The following NOLC1 variants were observed in gnomAD, a reference collection of about 807,000 sequenced individuals.
NOLC1 encodes the protein 140 kDa nucleolar phosphoprotein.
In NOLC1, 37 loss-of-function variants were observed where a neutral mutation model predicts 73.4. The ratio of observed to expected loss-of-function variants is 0.50; its 90% CI spans 0.39 to 0.66. The LOEUF (loss-of-function observed/expected upper bound fraction) is 0.66. Ranked by LOEUF, NOLC1 falls within the 30% of genes least tolerant of loss-of-function variation. NOLC1 has a pLI of 0.00. For missense variants in NOLC1, 921 were observed against 838.9 expected (o/e 1.10, Z -1.21); for synonymous variants, 327 against 302.6 (o/e 1.08, Z -0.84).
In NOLC1 at chr10:102,163,397, A is replaced by G. The variant is rs936304435; in HGVS notation, c.*1128A>G. 2.0e-5 allele frequency: 3 copies of G among 152,148 alleles called. No individual in the cohort carries two copies. The highest frequency in any genetic ancestry group is 7.2e-5 in the African/African-American group (3 of 41,424). The allele number at this position is 152,148 out of a possible 1,614,324, so 9.4% of individuals were successfully genotyped here. On this transcript the variant is annotated 3_prime_UTR_variant, in exon 13 of 13. Coordinates refer to ENST00000605788, the MANE Select transcript of NOLC1 (RefSeq NM_004741.5). ...TGATAAACTGGAGTGGGTTTGGGAGAACAAACTAATAGGATTATTGTGTCT... is the reference window on the plus strand; with the variant it reads ...TGATAAACTGGAGTGGGTTTGGGAGGACAAACTAATAGGATTATTGTGTCT...
rs563327440 is a variant in NOLC1 at position 102,162,021 on chromosome 10, C to T, written c.1942-90C>T. 1,580 of 1,601,930 alleles carry T rather than the reference C, an allele frequency of 9.9e-4. 1 individual carries two copies. Among genetic ancestry groups the T allele is most frequent in the Non-Finnish European group, 1.3e-3 (1,521 of 1,171,054 alleles). ...GGTTGGTGGGAATCTTCTCTGGGTT[C>T]AGGTTTCCTTGAGCAGGGAGTAGAA... On this transcript the variant is annotated intron_variant, in intron 12 of 12. Transcript: ENST00000605788.
intron 4 of NOLC1, 124 bp from the exon 5 acceptor site, chr10:102,157,925 C>T (rs1590377170): frequency 1.2e-6 from 1 of 865,966 alleles, no homozygotes; most frequent in Non-Finnish European, 1.8e-6. Flanking sequence ...CTTTCCGTAT[C>T]CTGTCCTTAG....
At chr10:102,153,366 A>G (rs1277376112) in intron 1 of NOLC1, among the ~76,000 whole-genome samples, 1 of 152,230 alleles carries the variant, frequency 6.6e-6, no homozygotes, top group African/African-American at 2.4e-5. Flanking sequence ...GAGAACCAGG[A>G]ATGTGAAAGG....
chr10:102,159,373 C>T (rs1204849129), intron 6 of NOLC1, 60 bp from the exon 7 acceptor site: 3 of 1,613,376 alleles, frequency 1.9e-6, no homozygotes, highest in African/African-American at 2.7e-5. Context: ...GTCTTCCTTC[C>T]CTGGCAGGAT....
In NOLC1 at chr10:102,160,861, T is replaced by TA; in HGVS notation, c.1509_1510insA (p.Ser504IlefsTer12). 6.2e-7 allele frequency: 1 copy of TA among 1,614,072 alleles called. No individual in the cohort carries two copies. Among genetic ancestry groups the TA allele is most frequent in the Non-Finnish European group, 8.5e-7 (1 of 1,179,994 alleles). On this transcript the variant is annotated frameshift_variant, in exon 10 of 13. Coordinates refer to ENST00000605788, the MANE Select transcript of NOLC1 (RefSeq NM_004741.5). LOFTEE classifies it high-confidence loss of function. ...AGAAGGTAGCAGGAGGTGCAGCCCC[T>TA]TCCAAGCCAGCCTCTGCAAAGAAAG...
Position 102,161,963 on chromosome 10 carries a change from T to C in NOLC1, c.1941+38T>C, listed in dbSNP as rs376453559. 18 of 1,606,032 alleles carry C rather than the reference T, an allele frequency of 1.1e-5. No individual in the cohort carries two copies. The African/African-American group carries it at 2.4e-4, about 22-fold the overall frequency. On this transcript the variant is annotated intron_variant, in intron 12 of 12. Coordinates refer to ENST00000605788, the MANE Select transcript of NOLC1 (RefSeq NM_004741.5). ...TCTGTGCCATTCTTGGGAGGGAGGA[T>C]GGGTAGTGTCAGAGAGGACAATTCT...
rs778529564 is a variant in NOLC1 at position 102,161,635 on chromosome 10, C to T, written c.1821C>T (p.Thr607=). The change falls in exon 11 of 13, where the codon ACC becomes ACT. Residue 607 remains threonine, a synonymous_variant. Coordinates refer to ENST00000605788, the MANE Select transcript of NOLC1 (RefSeq NM_004741.5). ...AGGCCAAGAAGATAAAGCTTCAGAC[C>T]CCTAACACATTTCCAAAAAGGAAGA... ...TPQAKKIKLQ[T]PNTFPKRKKG... 1.2e-6 allele frequency: 2 copies of T among 1,613,758 alleles called. No individual in the cohort carries two copies. The highest frequency in any genetic ancestry group is 1.7e-4 in the Middle Eastern group (1 of 6,058).
At position 102,157,029 on chromosome 10, in the gene NOLC1, A is replaced by T; in HGVS notation, c.131A>T (p.Asp44Val). Residue 44 changes from aspartate to valine, a missense_variant, in exon 2 of 13, where the codon GAT (aspartate) becomes GTT (valine). Transcript: ENST00000605788. ...FAKATGATQQ[D>V]ANASSLLDIY... ...CTTTTTCTTCTACAGACACAGCAGG[A>T]TGCCAATGCCTCTTCCCTCTTAGAC... The T allele has an allele frequency of 6.2e-7, 1 of 1,614,202 alleles. No homozygotes were observed. The highest frequency in any genetic ancestry group is 8.5e-7 in the Non-Finnish European group (1 of 1,180,020).
chr10:102,158,982 C>T (rs542842100), intron 5 of NOLC1, among the ~76,000 whole-genome samples: 1 of 148,660 alleles, frequency 6.7e-6, no homozygotes, highest in East Asian at 2.0e-4. Context: ...GTAATCCCAG[C>T]TACTCCAGAG....
rs1564970049 is a variant in NOLC1 at position 102,159,263 on chromosome 10, C to T, written c.678C>T (p.Ser226=). The T allele has an allele frequency of 1.2e-6, 2 of 1,614,026 alleles. No individual in the cohort carries two copies. Among genetic ancestry groups the T allele is most frequent in the East Asian group, 4.5e-5 (2 of 44,864 alleles). Residue 226 remains serine (S), a synonymous_variant, in exon 6 of 13, where the codon AGC becomes AGT. Coordinates refer to ENST00000605788, the MANE Select transcript of NOLC1 (RefSeq NM_004741.5). ...SSSSSSSSSS[S]SDDSEEEKAA... Reference sequence around the variant, plus strand: ...GCAGTAGCAGCAGCAGCAGCAGTAGCAGTGATGACTCAGAGGAGGAGAAGG... The same window carrying T: ...GCAGTAGCAGCAGCAGCAGCAGTAGTAGTGATGACTCAGAGGAGGAGAAGG...
intron 5 of NOLC1, 85 bp from the exon 6 acceptor site, chr10:102,159,108 A>G (rs551064355): frequency 4.8e-6 from 5 of 1,041,196 alleles, no homozygotes; most frequent in Admixed American, 2.3e-5. Flanking sequence ...TGGACTCCTA[A>G]GTTCTCTGCT....
intron 1 of NOLC1, among the ~76,000 whole-genome samples, chr10:102,154,670 A>G (rs1448961005): frequency 2.0e-5 from 3 of 151,962 alleles, no homozygotes; most frequent in Non-Finnish European, 4.4e-5. Context: ...CTGGGATTAC[A>G]GGCGCCCGCC....
At chr10:102,156,903 T>G (rs962711017) in intron 1 of NOLC1, 116 bp from the exon 2 acceptor site, 1 of 992,104 alleles carries the variant, frequency 1.0e-6, no homozygotes, top group African/African-American at 1.6e-5. Context: ...AGCAAAAGTT[T>G]TATGAAGATG....
intron 1 of NOLC1, among the ~76,000 whole-genome samples, chr10:102,156,304 G>T (rs1181641955): frequency 6.6e-6 from 1 of 152,116 alleles, no homozygotes; most frequent in Non-Finnish European, 1.5e-5. Flanking sequence ...AGAGATGGGG[G>T]TCTTGCTATG....
intron 1 of NOLC1, among the ~76,000 whole-genome samples, chr10:102,155,409 A>T (rs554483303): frequency 6.6e-6 from 1 of 150,488 alleles, no homozygotes; most frequent in Non-Finnish European, 1.5e-5. Flanking sequence ...AGAGAGAGAG[A>T]TGGAGGTCTC....
intron 1 of NOLC1, among the ~76,000 whole-genome samples, chr10:102,154,424 G>A (rs1696356285): frequency 6.6e-6 from 1 of 152,028 alleles, no homozygotes; most frequent in African/African-American, 2.4e-5. Flanking sequence ...TTAATGAGAT[G>A]TGTAGTATTA....
intron 1 of NOLC1, among the ~76,000 whole-genome samples, chr10:102,156,151 T>G (rs1408911802): frequency 2.0e-5 from 3 of 152,274 alleles, no homozygotes; most frequent in Non-Finnish European, 4.4e-5. Flanking sequence ...GGAGGCTTAT[T>G]TCTAATGATT....
At chr10:102,153,834 G>A (rs1041233877) in intron 1 of NOLC1, among the ~76,000 whole-genome samples, 1 of 151,728 alleles carries the variant, frequency 6.6e-6, no homozygotes, top group African/African-American at 2.4e-5. Context: ...CACCACGCCC[G>A]GCTAATTTTT....
At chr10:102,160,115 G>A in intron 8 of NOLC1, 91 bp downstream of exon 8, 1 of 1,587,620 alleles carries the variant, frequency 6.3e-7, no homozygotes, top group Admixed American at 1.8e-5. Flanking sequence ...TCCTTCGGTT[G>A]CTTTTTGCTT....
Sources: allele counts gnomAD v4.1 joint callset (sites outside exome capture counted in the v4.1 genomes callset), GRCh38; gene constraint gnomAD v4.1.1; transcripts MANE v1.5; gene names NCBI Gene and HGNC (gene_info 2026-07-23, HGNC 2026-07-21).